FAAH2: variants seen among roughly 807,000 people sequenced by gnomAD.
The protein encoded by FAAH2 is fatty acid amide hydrolase 2.
A neutral mutation model predicts 36.9 loss-of-function variants in FAAH2; 60 were observed. The observed-to-expected ratio is 1.63, with a 90% CI of 1.32 to 2.02. The LOEUF is 2.02. Ranked by LOEUF, FAAH2 falls within the 30% of genes most tolerant of loss-of-function variation. The probability of loss-of-function intolerance (pLI) is 0.00; values close to 1 mark genes in which losing one functional copy is unlikely to be tolerated. For synonymous variants in FAAH2, 214 were observed against 143.8 expected, an observed-to-expected ratio of 1.49 and a Z score of -3.49; for missense variants, 689 against 397.5, an observed-to-expected ratio of 1.73 and a Z score of -6.23.
chrX:57,407,118 G>A (rs909394562), intron 7 of FAAH2, among the ~76,000 whole-genome samples: 3 of 112,142 alleles, frequency 2.7e-5, no homozygotes, highest in Non-Finnish European at 5.6e-5. Flanking sequence ...CATGCCAAAG[G>A]CTAGATCTCT....
intron 7 of FAAH2, among the ~76,000 whole-genome samples, chrX:57,408,392 G>T (rs59159126): frequency 0.047 from 5,176 of 110,415 alleles, 306 homozygotes; most frequent in African/African-American, 0.16. Flanking sequence ...TTATGTGTTA[G>T]TATTTTAATC....
At chrX:57,483,841 C>T (rs2057425399) in intron 10 of FAAH2, among the ~76,000 whole-genome samples, 1 of 85,846 alleles carries the variant, frequency 1.2e-5, no homozygotes, top group African/African-American at 5.0e-5. Context: ...TTTCCCAGGC[C>T]AGAATGCAAT....
intron 10 of FAAH2, among the ~76,000 whole-genome samples, chrX:57,476,704 A>T (rs1191442397): frequency 1.8e-5 from 2 of 111,372 alleles, no homozygotes; most frequent in East Asian, 5.6e-4. Flanking sequence ...GCCTCATAAG[A>T]TGCATTAAGG....
intron 5 of FAAH2, among the ~76,000 whole-genome samples, chrX:57,373,056 A>T (rs755416863): frequency 9.0e-6 from 1 of 111,645 alleles, no homozygotes; most frequent in Admixed American, 9.5e-5. Flanking sequence ...CCAATATTTC[A>T]TTCCTCTTTA....
At chrX:57,216,566 G>A in the FAAH2 span, among the ~76,000 whole-genome samples, 3 of 17,910 alleles carry the variant, frequency 1.7e-4, no homozygotes, top group Non-Finnish European at 2.8e-4. Flanking sequence ...ATATATATAC[G>A]TATATGTATA....
At chrX:57,317,488 C>T (rs2052876195) in intron 3 of FAAH2, among the ~76,000 whole-genome samples, 1 of 111,824 alleles carries the variant, frequency 8.9e-6, no homozygotes, top group Non-Finnish European at 1.9e-5. Flanking sequence ...TATATGTACC[C>T]AGTACGGGAG....
chrX:57,199,726 GTAA>G, the FAAH2 span, among the ~76,000 whole-genome samples: 1 of 111,343 alleles, frequency 9.0e-6, no homozygotes, highest in East Asian at 2.8e-4. Flanking sequence ...TCTCTCCTTA[GTAA>G]TAATAATATT....
chrX:57,319,200 A>G (rs2052938160), intron 3 of FAAH2, among the ~76,000 whole-genome samples: 1 of 111,365 alleles, frequency 9.0e-6, no homozygotes, highest in Non-Finnish European at 1.9e-5. Context: ...GAAATAAAGC[A>G]TATTCAAATA....
At chrX:57,311,392 G>A (rs1329947339) in intron 3 of FAAH2, among the ~76,000 whole-genome samples, 1 of 112,185 alleles carries the variant, frequency 8.9e-6, no homozygotes, top group Non-Finnish European at 1.9e-5. Context: ...GGGAACTGAG[G>A]CCTCACCTTC....
the FAAH2 span, among the ~76,000 whole-genome samples, chrX:57,273,916 A>T: frequency 8.9e-6 from 1 of 111,848 alleles, no homozygotes; most frequent in African/African-American, 3.3e-5. Context: ...AGAGCAGAGC[A>T]GAACTGAAGG....
chrX:57,201,522 T>C, the FAAH2 span, among the ~76,000 whole-genome samples: 1 of 112,097 alleles, frequency 8.9e-6, no homozygotes, highest in South Asian at 3.7e-4. Flanking sequence ...TTCAGGATCC[T>C]TTCTTTATTC....
At chrX:57,328,078 G>T (rs2053273648) in intron 3 of FAAH2, among the ~76,000 whole-genome samples, 2 of 112,247 alleles carry the variant, frequency 1.8e-5, no homozygotes, top group South Asian at 7.4e-4. Context: ...TCAGCTGCAG[G>T]TCTGTTGGAG....
chrX:57,323,224 A>G (rs746491562), intron 3 of FAAH2, among the ~76,000 whole-genome samples: 2 of 111,676 alleles, frequency 1.8e-5, no homozygotes, highest in South Asian at 7.4e-4. Flanking sequence ...TTCTTAATCC[A>G]GTCTATCATT....
chrX:57,357,504 C>A (rs1353480712), intron 5 of FAAH2, among the ~76,000 whole-genome samples: 8 of 111,346 alleles, frequency 7.2e-5, no homozygotes, highest in African/African-American at 2.6e-4. Context: ...AAACAAACAT[C>A]CTCATCAAAA....
At chrX:57,182,336 A>G in the FAAH2 span, among the ~76,000 whole-genome samples, 3 of 112,148 alleles carry the variant, frequency 2.7e-5, no homozygotes, top group African/African-American at 9.7e-5. Flanking sequence ...GCATCTGGCA[A>G]AGGTCTAATA....
chrX:57,468,411 T>C (rs1289732525), intron 10 of FAAH2, among the ~76,000 whole-genome samples: 3 of 111,924 alleles, frequency 2.7e-5, no homozygotes, highest in Non-Finnish European at 5.6e-5. Context: ...AATGACCTGA[T>C]GGAGCTGAAA....
chrX:57,440,205 T>A (rs888181129), intron 8 of FAAH2, among the ~76,000 whole-genome samples: 2 of 111,751 alleles, frequency 1.8e-5, no homozygotes, highest in Non-Finnish European at 3.8e-5. Context: ...ATGACCATTT[T>A]CAAAATATTG....
the FAAH2 span, among the ~76,000 whole-genome samples, chrX:57,170,582 C>T: frequency 9.0e-6 from 1 of 111,436 alleles, no homozygotes; most frequent in Admixed American, 9.5e-5. Flanking sequence ...AATTCCTTGA[C>T]CCCCTTCTAC....
At chrX:57,325,046 T>C (rs1410001902) in intron 3 of FAAH2, among the ~76,000 whole-genome samples, 1 of 112,147 alleles carries the variant, frequency 8.9e-6, no homozygotes, top group Non-Finnish European at 1.9e-5. Flanking sequence ...GTTTTTAGCA[T>C]GAAGGTTGTT....
Sources: allele counts gnomAD v4.1 joint callset (sites outside exome capture counted in the v4.1 genomes callset), GRCh38; gene constraint gnomAD v4.1.1; transcripts MANE v1.5; gene names NCBI Gene and HGNC (gene_info 2026-07-23, HGNC 2026-07-21).